Variants in ERC1 observed in about 807,000 individuals in gnomAD.
The protein encoded by ERC1 is RAB6 interacting protein 2.
In ERC1, 56 loss-of-function variants were observed where a neutral mutation model predicts 132.0. The observed-to-expected ratio is 0.42, with a 90% CI of 0.34 to 0.53. The LOEUF is 0.53. ERC1 is among the 20% of genes least tolerant of loss of function. The probability of loss-of-function intolerance (pLI) is 0.03; values close to 1 mark genes in which losing one functional copy is unlikely to be tolerated. For synonymous variants in ERC1, 478 were observed against 476.1 expected (o/e 1.00, Z -0.05); for missense variants, 1,202 against 1,349.9 (o/e 0.89, Z 1.72).
chr12:1,459,084 G>GT (rs2154420024), intron 18 of ERC1, among the ~76,000 whole-genome samples: 1 of 152,302 alleles, frequency 6.6e-6, no homozygotes, highest in East Asian at 1.9e-4. Context: ...ATCAAAATAA[G>GT]TAAAGATAGT....
At chr12:1,338,766 T>C (rs1307597211) in intron 15 of ERC1, among the ~76,000 whole-genome samples, 1 of 152,148 alleles carries the variant, frequency 6.6e-6, no homozygotes, top group Non-Finnish European at 1.5e-5. Flanking sequence ...TTGATTGTGG[T>C]ATAAGGTGGA....
chr12:1,115,298 C>G (rs913406860), intron 6 of ERC1, among the ~76,000 whole-genome samples: 4 of 151,978 alleles, frequency 2.6e-5, no homozygotes, highest in East Asian at 1.9e-4. Context: ...TTTACAAAAC[C>G]ATGTTATGTA....
At chr12:1,353,010 C>G (rs1341212324) in intron 15 of ERC1, among the ~76,000 whole-genome samples, 4 of 149,994 alleles carry the variant, frequency 2.7e-5, no homozygotes, top group Non-Finnish European at 5.9e-5. Flanking sequence ...GAGAAGCAAT[C>G]AAGTCTTCTT....
chr12:1,116,289 C>T (rs982763356), intron 7 of ERC1: 2 of 311,712 alleles, frequency 6.4e-6, no homozygotes, highest in Non-Finnish European at 1.2e-5. Flanking sequence ...TCAAAGTATA[C>T]TCTGACAGTA....
At chr12:1,121,767 A>G (rs368902069) in intron 7 of ERC1, among the ~76,000 whole-genome samples, 11 of 5,510 alleles carry the variant, frequency 2.0e-3, no homozygotes, top group Non-Finnish European at 3.4e-3. Context: ...ATCTCTATCT[A>G]TCTCTATCTC....
At chr12:1,117,173 A>G (rs558406571) in intron 7 of ERC1, among the ~76,000 whole-genome samples, 41 of 152,334 alleles carry the variant, frequency 2.7e-4, no homozygotes, top group African/African-American at 8.9e-4. Context: ...CATATGATGT[A>G]GATTAGCTTT....
At chr12:1,296,304 G>T (rs1423707280) in intron 15 of ERC1, among the ~76,000 whole-genome samples, 6 of 151,140 alleles carry the variant, frequency 4.0e-5, no homozygotes, top group African/African-American at 1.2e-4. Flanking sequence ...CTCCGGCCTG[G>T]GCAACAAAAT....
intron 15 of ERC1, among the ~76,000 whole-genome samples, chr12:1,293,393 C>T (rs1480302226): frequency 1.6e-5 from 2 of 126,870 alleles, no homozygotes; most frequent in Non-Finnish European, 3.5e-5. Flanking sequence ...GCGGAGCTTG[C>T]AGTGAGCTGA....
chr12:1,204,143 A>C, intron 12 of ERC1: 1 of 193,550 alleles, frequency 5.2e-6, no homozygotes. Flanking sequence ...CAGTTACTTA[A>C]AGCCAACTCT....
chr12:1,403,975 G>C (rs191365388), intron 16 of ERC1, among the ~76,000 whole-genome samples: 24 of 152,212 alleles, frequency 1.6e-4, no homozygotes, highest in Non-Finnish European at 2.6e-4. Context: ...TTTTCTGAGA[G>C]CTGCTTTGCA....
At chr12:1,391,912 G>C (rs932438341) in intron 16 of ERC1, among the ~76,000 whole-genome samples, 4 of 152,222 alleles carry the variant, frequency 2.6e-5, no homozygotes, top group African/African-American at 9.6e-5. Context: ...GATCCAGGGA[G>C]CTGCAGGTCA....
chr12:1,128,929 C>A (rs1948473202), intron 7 of ERC1, among the ~76,000 whole-genome samples: 1 of 151,940 alleles, frequency 6.6e-6, no homozygotes, highest in South Asian at 2.1e-4. Flanking sequence ...TGAGCTATTA[C>A]CCAGCAAGCA....
chr12:1,183,677 C>G (rs146202832), intron 11 of ERC1, among the ~76,000 whole-genome samples: 4 of 152,028 alleles, frequency 2.6e-5, no homozygotes, highest in Non-Finnish European at 5.9e-5. Flanking sequence ...AAATATGAGA[C>G]CAGAGTGTAA....
chr12:1,038,000 G>T (rs55999304), intron 2 of ERC1, among the ~76,000 whole-genome samples: 1 of 151,464 alleles, frequency 6.6e-6, no homozygotes, highest in African/African-American at 2.4e-5. Context: ...GCCCGAGATT[G>T]CGCCACTGCA....
intron 7 of ERC1, among the ~76,000 whole-genome samples, chr12:1,118,350 C>T (rs1215029006): frequency 6.6e-6 from 1 of 152,212 alleles, no homozygotes; most frequent in African/African-American, 2.4e-5. Flanking sequence ...CCATGCTTCT[C>T]TTTGTACCCC....
chr12:1,171,213 A>C (rs1256668127), intron 8 of ERC1, among the ~76,000 whole-genome samples: 2 of 152,186 alleles, frequency 1.3e-5, no homozygotes, highest in Non-Finnish European at 2.9e-5. Context: ...GAGAATACTG[A>C]TATGAAAACT....
chr12:1,373,287 T>G (rs1176463864), intron 16 of ERC1, among the ~76,000 whole-genome samples: 2 of 152,204 alleles, frequency 1.3e-5, no homozygotes, highest in African/African-American at 4.8e-5. Context: ...TTCACTGCTG[T>G]GGGAGTTTAT....
intron 3 of ERC1, among the ~76,000 whole-genome samples, chr12:1,091,140 C>T (rs551873228): frequency 2.1e-4 from 32 of 152,222 alleles, no homozygotes; most frequent in Admixed American, 3.9e-4. Flanking sequence ...CTGCCTGACT[C>T]GGCCTCCCAG....
chr12:1,459,559 T>TATGGA (rs2093606493), intron 18 of ERC1, among the ~76,000 whole-genome samples: 1 of 152,180 alleles, frequency 6.6e-6, no homozygotes, highest in African/African-American at 2.4e-5. Flanking sequence ...TAGACGGAAT[T>TATGGA]ATGGAATTAG....
Sources: gnomAD v4.1 joint callset for allele counts (sites outside exome capture counted in the v4.1 genomes callset) on GRCh38, gnomAD v4.1.1 for gene constraint, MANE v1.5 for transcripts, NCBI Gene and HGNC (gene_info 2026-07-23, HGNC 2026-07-21) for gene names.